Variants in DHCR24 observed in about 807,000 individuals in gnomAD.
DHCR24 encodes 24-dehydrocholesterol reductase.
In DHCR24, 28 loss-of-function variants were observed where a neutral mutation model predicts 61.2. The observed-to-expected ratio is 0.46, with a 90% confidence interval of 0.34 to 0.63. DHCR24 has a LOEUF of 0.63. Among genes scored for constraint, DHCR24 ranks in the 20% least tolerant of loss-of-function variants. The pLI, the probability that DHCR24 is intolerant of heterozygous loss-of-function variation, is 0.01. For missense variants in DHCR24, 538 were observed against 679.1 expected (o/e 0.79, Z 2.31); for synonymous variants, 261 against 275.9 (o/e 0.95, Z 0.54).
In DHCR24 at chr1:54,887,075, C is replaced by T; in HGVS notation, c.45G>A (p.Leu15=). Residue 15 remains leucine, a synonymous_variant, in exon 1 of 9, where the codon CTG becomes CTA. Coordinates refer to ENST00000371269, the MANE Select transcript of DHCR24 (RefSeq NM_014762.4). ...VSLAVCALLF[L]LWVRLKGLEF... ...CCAGCCCCTTCAGGCGCACCCACAG[C>T]AGGAAGAGCAGCGCGCACACGGCCA... The T allele has an allele frequency of 6.2e-7, 1 of 1,608,100 alleles. No individual in the cohort carries two copies. The highest frequency in any genetic ancestry group is 8.5e-7 in the Non-Finnish European group (1 of 1,177,486).
rs190322055 is a variant in DHCR24, at chr1:54,868,079, G to A, written c.877-2633C>T. On this transcript the variant is annotated intron_variant, in intron 5 of 8. Coordinates refer to ENST00000371269, the MANE Select transcript of DHCR24 (RefSeq NM_014762.4). ...GAGGATTGTACCGGATGATTTTATA[G>A]CCCTTCACAACTTTAAAATGTTTTA... 2.6e-3 allele frequency among the ~76,000 whole-genome samples: 398 copies of A among 152,322 alleles called. 2 individuals carry two copies. Among genetic ancestry groups the A allele is most frequent in the Non-Finnish European group, 4.0e-3 (270 of 68,034 alleles).
In DHCR24 at chr1:54,850,782, G is replaced by A. The variant is rs1173735392; in HGVS notation, c.*1451C>T. On this transcript the variant is annotated 3_prime_UTR_variant, in exon 9 of 9. Coordinates refer to ENST00000371269, the MANE Select transcript of DHCR24 (RefSeq NM_014762.4). The stretch of plus-strand genomic sequence containing the variant: ...ACCACAGTGTCTAAGACAATCAGAA[G>A]GGTTCCAGGGAGGTCTTGTCTGTAG... 1 of 152,212 alleles carries A rather than the reference G, an allele frequency of 6.6e-6. No homozygotes were observed. The highest frequency in any genetic ancestry group is 3.2e-3 in the Middle Eastern group (1 of 316). 9.4% of individuals were successfully genotyped at this position (152,212 alleles called of 1,614,324 possible).
intron 6 of DHCR24, among the ~76,000 whole-genome samples, chr1:54,855,949 C>A (rs1457253261): frequency 6.6e-6 from 1 of 152,192 alleles, no homozygotes; most frequent in Non-Finnish European, 1.5e-5. Context: ...CTCTCCTCCC[C>A]CTCCCTAATG....
chr1:54,886,899 A>G lies in DHCR24; in HGVS notation c.221T>C (p.Ile74Thr), dbSNP rs1340856454. ...CCCGGCGCCGCTCACCTGCTTCTGGATGTCCCGCACGCGCTGCTCGTGCAG... is the reference window on the plus strand; with the variant it reads ...CCCGGCGCCGCTCACCTGCTTCTGGGTGTCCCGCACGCGCTGCTCGTGCAG... ...PRLHEQRVRD[I>T]QKQVREWKEQ... Residue 74 changes from isoleucine to threonine, a missense_variant, in exon 1 of 9, where the codon ATC becomes ACC. Transcript: ENST00000371269. 3 of 1,612,494 alleles carry G rather than the reference A, an allele frequency of 1.9e-6. No homozygotes were observed. The highest frequency in any genetic ancestry group is 2.5e-6 in the Non-Finnish European group (3 of 1,179,462).
At chr1:54,875,022 C>T (rs1454037659) in intron 4 of DHCR24, 71 bp downstream of exon 4, 1 of 1,350,860 alleles carries the variant, frequency 7.4e-7, no homozygotes, top group Non-Finnish European at 1.1e-6. Flanking sequence ...CTAGAGGAGC[C>T]ACCTCCCTGA....
intron 5 of DHCR24, among the ~76,000 whole-genome samples, chr1:54,871,117 C>A (rs578110480): frequency 6.6e-6 from 1 of 152,332 alleles, no homozygotes; most frequent in East Asian, 1.9e-4. Flanking sequence ...AGATTACATC[C>A]ACTAAGAGAC....
chr1:54,854,058 G>A lies in DHCR24; in HGVS notation c.1197C>T (p.His399=), dbSNP rs1570179057. ...TCACGTGGATGTCGTTTTGGAAGGTGTGCAGGGCCTGCTGCAGGCACTTCA... is the reference window on the plus strand; with the variant it reads ...TCACGTGGATGTCGTTTTGGAAGGTATGCAGGGCCTGCTGCAGGCACTTCA... ...VPMKCLQQAL[H]TFQNDIHVYP... is the part of the protein sequence containing the mutation. Residue 399 remains histidine (H), a synonymous_variant, in exon 7 of 9, where the codon CAC becomes CAT. Coordinates refer to ENST00000371269, the MANE Select transcript of DHCR24 (RefSeq NM_014762.4). 2 of 1,613,434 alleles carry A rather than the reference G, an allele frequency of 1.2e-6. No homozygotes were observed. The highest frequency in any genetic ancestry group is 4.5e-5 in the East Asian group (2 of 44,860).
intron 3 of DHCR24, among the ~76,000 whole-genome samples, chr1:54,875,530 G>T (rs1434999873): frequency 6.6e-6 from 1 of 152,102 alleles, no homozygotes; most frequent in Non-Finnish European, 1.5e-5. Flanking sequence ...TAATGAAAAG[G>T]GGGGTTGAAG....
At chr1:54,879,251 G>A (rs550288465) in intron 2 of DHCR24, among the ~76,000 whole-genome samples, 4 of 149,914 alleles carry the variant, frequency 2.7e-5, no homozygotes, top group Admixed American at 6.7e-5. Flanking sequence ...CCCAGGAGGT[G>A]GAGGTTGCAG....
At position 54,860,074 on chromosome 1, in the gene DHCR24, C is replaced by T. The variant is rs112200621; in HGVS notation, c.1020+5229G>A. On this transcript the variant is annotated intron_variant, in intron 6 of 8. Coordinates refer to ENST00000371269, the MANE Select transcript of DHCR24 (RefSeq NM_014762.4). Reference sequence around the variant, plus strand: ...GGCCATGATGAGACCCTCACCCCTACACTCCTCCACCCCTACCACCGCCCA... The same window carrying T: ...GGCCATGATGAGACCCTCACCCCTATACTCCTCCACCCCTACCACCGCCCA... Among the ~76,000 whole-genome samples, 748 of 152,270 alleles carry T rather than the reference C, an allele frequency of 4.9e-3. 2 individuals are homozygous for T. Among genetic ancestry groups the T allele is most frequent in the Non-Finnish European group, 8.0e-3 (543 of 68,024 alleles).
chr1:54,872,118 C>A (rs904123764), intron 4 of DHCR24, among the ~76,000 whole-genome samples: 1 of 152,094 alleles, frequency 6.6e-6, no homozygotes, highest in Admixed American at 6.6e-5. Context: ...AGGGAGAGCG[C>A]TAGCACCCCC....
chr1:54,858,724 G>A (rs1047562573), intron 6 of DHCR24, among the ~76,000 whole-genome samples: 5 of 151,988 alleles, frequency 3.3e-5, no homozygotes, highest in South Asian at 4.2e-4. Flanking sequence ...CACAACCTCC[G>A]CTTCTGGGTT....
intron 7 of DHCR24, 76 bp from the exon 8 acceptor site, chr1:54,853,688 C>G: frequency 1.3e-6 from 2 of 1,488,978 alleles, no homozygotes; most frequent in Non-Finnish European, 1.8e-6. Flanking sequence ...CCGCTCATAC[C>G]CACCCAAATG....
At chr1:54,872,175 C>A (rs1157722526) in intron 4 of DHCR24, among the ~76,000 whole-genome samples, 1 of 152,176 alleles carries the variant, frequency 6.6e-6, no homozygotes, top group Non-Finnish European at 1.5e-5. Flanking sequence ...CCATGACTCA[C>A]CAAAGTCTTC....
chr1:54,870,607 G>A (rs1417243685), intron 5 of DHCR24, among the ~76,000 whole-genome samples: 1 of 152,138 alleles, frequency 6.6e-6, no homozygotes, highest in Non-Finnish European at 1.5e-5. Flanking sequence ...TAACAGTTAA[G>A]GAATAATGAC....
intron 5 of DHCR24, among the ~76,000 whole-genome samples, chr1:54,870,856 CCAAGTCTCTTACAATAAGCACAAATCCT>C (rs1646994765): frequency 6.6e-6 from 1 of 151,604 alleles, no homozygotes; most frequent in Non-Finnish European, 1.5e-5. Context: ...CAAATCCTTT[CCAAGTCTCTTACAATAAGCACAAATCCT>C]TTCTAAATGG....
rs772275083 is a variant in DHCR24 at position 54,854,025 on chromosome 1, T to TGCCCC, written c.1218+7_1218+11dup. 4 of 1,609,458 alleles carry TGCCCC rather than the reference T, an allele frequency of 2.5e-6. No homozygotes were observed. Among genetic ancestry groups the TGCCCC allele is most frequent in the South Asian group, 1.1e-5 (1 of 90,346 alleles). On this transcript the variant is annotated intron_variant, in intron 7 of 8. Coordinates refer to ENST00000371269, the MANE Select transcript of DHCR24 (RefSeq NM_014762.4). ...TGCACCTGGTGCGCCCTCCCTGCCC[T>TGCCCC]GCCCCACTCACGTGGATGTCGTTTT...
intron 5 of DHCR24, among the ~76,000 whole-genome samples, chr1:54,867,053 C>A (rs180835781): frequency 6.6e-6 from 1 of 152,242 alleles, no homozygotes; most frequent in Non-Finnish European, 1.5e-5. Context: ...GCATCAGGAG[C>A]CATGCAGAGA....
chr1:54,878,286 A>G (rs944554681), intron 2 of DHCR24, among the ~76,000 whole-genome samples: 17 of 151,616 alleles, frequency 1.1e-4, no homozygotes, highest in Admixed American at 9.2e-4. Flanking sequence ...CAGGTGGACC[A>G]CCTGAGGTCA....
Sources: allele counts gnomAD v4.1 joint callset (sites outside exome capture counted in the v4.1 genomes callset), GRCh38; gene constraint gnomAD v4.1.1; transcripts MANE v1.5; gene names NCBI Gene and HGNC (gene_info 2026-07-23, HGNC 2026-07-21).